The following FBXO25 variants were observed in gnomAD, a reference collection of about 807,000 sequenced individuals.
FBXO25 encodes F-box only protein 25.
In FBXO25, 45 loss-of-function variants were observed where a neutral mutation model predicts 51.9. That is an observed-to-expected ratio of 0.87 (90% CI 0.68 to 1.11). FBXO25 has a LOEUF of 1.11. Ranked by LOEUF, FBXO25 falls within the 50% of genes most tolerant of loss-of-function variation. The pLI is 0.00. For synonymous variants in FBXO25, 199 were observed against 151.0 expected, an observed-to-expected ratio of 1.32 and a Z score of -2.33; for missense variants, 507 against 428.5, an observed-to-expected ratio of 1.18 and a Z score of -1.62.
intron 5 of FBXO25, among the ~76,000 whole-genome samples, chr8:443,881 AT>A (rs1462721439): frequency 6.6e-6 from 1 of 152,162 alleles, no homozygotes; most frequent in Non-Finnish European, 1.5e-5. Flanking sequence ...CAAAGTTGAG[AT>A]CACTGAGGGC....
chr8:469,940 G>T lies in FBXO25; in HGVS notation c.*1136G>T, dbSNP rs945326739. On this transcript the variant is annotated 3_prime_UTR_variant, in exon 10 of 10. Coordinates refer to ENST00000350302, the MANE Select transcript of FBXO25 (RefSeq NM_183420.2). ...TCTGTGAACTGACACAAATGGCCAA[G>T]AATGCATTTATTTGTCAAATTATAG... is the stretch of plus-strand genomic sequence containing the variant. The T allele has an allele frequency of 6.6e-6, 1 of 152,172 alleles. No homozygotes were observed. The highest frequency in any genetic ancestry group is 1.5e-5 in the Non-Finnish European group (1 of 68,028). The allele number at this position is 152,172 out of a possible 1,614,324, so 9.4% of individuals were successfully genotyped here.
At chr8:468,298 G>A (rs971732321) in intron 9 of FBXO25, 1 of 1,015,864 alleles carries the variant, frequency 9.8e-7, no homozygotes, top group Admixed American at 5.5e-5. Context: ...AATGGCGGGT[G>A]GAGGGAACCC....
intron 5 of FBXO25, among the ~76,000 whole-genome samples, chr8:447,565 G>T (rs187771460): frequency 3.9e-5 from 6 of 152,296 alleles, no homozygotes; most frequent in Non-Finnish European, 7.3e-5. Flanking sequence ...ATGAGGTTGA[G>T]TATCCCTTAA....
chr8:437,408 G>C (rs1251766722), intron 5 of FBXO25, among the ~76,000 whole-genome samples: 1 of 152,218 alleles, frequency 6.6e-6, no homozygotes, highest in Admixed American at 6.5e-5. Flanking sequence ...TCACAGGTCT[G>C]TGCATCTCTG....
intron 7 of FBXO25, among the ~76,000 whole-genome samples, chr8:454,493 T>C (rs1320948333): frequency 1.3e-5 from 2 of 152,176 alleles, no homozygotes; most frequent in Non-Finnish European, 2.9e-5. Context: ...CCCAGGGAGA[T>C]GAGCACATGA....
chr8:435,776 G>A (rs1798068912), intron 5 of FBXO25, 69 bp downstream of exon 5: 1 of 1,544,240 alleles, frequency 6.5e-7, no homozygotes, highest in South Asian at 1.2e-5. Flanking sequence ...GATTGTAAGT[G>A]TACAACGTTG....
chr8:465,201 T>C (rs1329531806), intron 9 of FBXO25, among the ~76,000 whole-genome samples: 1 of 151,120 alleles, frequency 6.6e-6, no homozygotes, highest in Non-Finnish European at 1.5e-5. Flanking sequence ...AGGGCCCCCC[T>C]TCTGTGTAAT....
chr8:464,480 G>C (rs867037738), intron 9 of FBXO25, among the ~76,000 whole-genome samples: 1 of 152,214 alleles, frequency 6.6e-6, no homozygotes, highest in Non-Finnish European at 1.5e-5. Flanking sequence ...CCTGCCTCTT[G>C]CAAGAGTGGG....
At chr8:468,606 G>T in intron 9 of FBXO25, 109 bp from the exon 10 acceptor site, 1 of 772,192 alleles carries the variant, frequency 1.3e-6, no homozygotes, top group South Asian at 1.7e-5. Context: ...TACCTCTGAG[G>T]TGGGGCCCAG....
intron 9 of FBXO25, among the ~76,000 whole-genome samples, chr8:464,277 A>G (rs573997707): frequency 2.5e-4 from 38 of 152,110 alleles, no homozygotes; most frequent in Non-Finnish European, 5.3e-4. Context: ...TTTTCTTAAC[A>G]TGTTAATATT....
chr8:449,760 A>G (rs918079013), intron 5 of FBXO25, among the ~76,000 whole-genome samples: 2 of 152,236 alleles, frequency 1.3e-5, no homozygotes, highest in African/African-American at 4.8e-5. Context: ...ATAGCCTGCA[A>G]GACTAGAAGA....
intron 9 of FBXO25, among the ~76,000 whole-genome samples, chr8:466,337 G>A (rs1800158837): frequency 1.3e-5 from 2 of 152,264 alleles, no homozygotes; most frequent in Non-Finnish European, 2.9e-5. Context: ...TGAGCTTGCT[G>A]CCCCTCCTAG....
chr8:468,233 G>A (rs1800315647), intron 9 of FBXO25: 47 of 1,009,928 alleles, frequency 4.7e-5, no homozygotes, highest in Non-Finnish European at 5.3e-5. Flanking sequence ...GGGGGCTGAG[G>A]CCGTGTGTCC....
chr8:438,647 A>T (rs1054056526), intron 5 of FBXO25, among the ~76,000 whole-genome samples: 1 of 152,240 alleles, frequency 6.6e-6, no homozygotes, highest in Admixed American at 6.5e-5. Flanking sequence ...TCTTCACTCA[A>T]GGCAGGAGGA....
chr8:431,956 G>A (rs1165471698), intron 3 of FBXO25, among the ~76,000 whole-genome samples: 1 of 152,208 alleles, frequency 6.6e-6, no homozygotes, highest in East Asian at 1.9e-4. Flanking sequence ...TAGACCTCCA[G>A]TGGATGCCTG....
chr8:434,223 G>A (rs1215759289), intron 4 of FBXO25, among the ~76,000 whole-genome samples: 1 of 152,110 alleles, frequency 6.6e-6, no homozygotes, highest in Non-Finnish European at 1.5e-5. Flanking sequence ...GTCCATGCTG[G>A]CTGGTGTCTC....
chr8:444,197 T>G (rs547174714), intron 5 of FBXO25, among the ~76,000 whole-genome samples: 1 of 152,244 alleles, frequency 6.6e-6, no homozygotes, highest in African/African-American at 2.4e-5. Context: ...AGGCGAAGAT[T>G]GAGCAAAGTT....
intron 2 of FBXO25, among the ~76,000 whole-genome samples, chr8:415,128 A>G (rs1056479629): frequency 6.6e-6 from 1 of 152,232 alleles, no homozygotes; most frequent in African/African-American, 2.4e-5. Context: ...GTCTTTGAGA[A>G]ACATAGTACT....
chr8:454,794 G>C (rs1799311767), intron 7 of FBXO25, among the ~76,000 whole-genome samples: 1 of 151,198 alleles, frequency 6.6e-6, no homozygotes, highest in Non-Finnish European at 1.5e-5. Flanking sequence ...GGGAGGCTGA[G>C]GCAGGAGAAT....
Sources: gnomAD v4.1 joint callset for allele counts (sites outside exome capture counted in the v4.1 genomes callset) on GRCh38, gnomAD v4.1.1 for gene constraint, MANE v1.5 for transcripts, NCBI Gene and HGNC (gene_info 2026-07-23, HGNC 2026-07-21) for gene names.